Variants in PLEKHA7 observed in about 807,000 individuals in gnomAD.
PLEKHA7 encodes pleckstrin homology domain containing A7.
In PLEKHA7, 104 loss-of-function variants were observed where a neutral mutation model predicts 170.0. The observed-to-expected ratio is 0.61, with a 90% confidence interval of 0.52 to 0.72. The LOEUF (loss-of-function observed/expected upper bound fraction) is 0.72. PLEKHA7 is among the 30% of genes least tolerant of loss of function. PLEKHA7 has a pLI of 0.00. For synonymous variants in PLEKHA7, 648 were observed against 660.8 expected (o/e 0.98, Z 0.30); for missense variants, 1,615 against 1,671.7 (o/e 0.97, Z 0.59).
At position 16,817,107 on chromosome 11, in the gene PLEKHA7, A is replaced by G. The variant is rs774356876; in HGVS notation, c.1559T>C (p.Val520Ala). The G allele has an allele frequency of 6.2e-7, 1 of 1,614,050 alleles. No homozygotes were observed. Among genetic ancestry groups the G allele is most frequent in the Non-Finnish European group, 8.5e-7 (1 of 1,179,966 alleles). ...CTGCTGCCACTCGTAGAGCTGCCAC[A>G]CGGTGCCATCCCGGTGCGCCCGGCG... The part of the protein sequence containing the change: ...EERRAHRDGT[V>A]WQLYEWQQRQ... Residue 520 changes from valine to alanine, a missense_variant, in exon 11 of 27, where the codon GTG becomes GCG. Physicochemically the swap from Val to Ala is moderately conservative, Grantham distance 64. Coordinates refer to ENST00000531066, the MANE Select transcript of PLEKHA7 (RefSeq NM_001329630.2). The surrounding 1 kb of genome is among the most constrained non-coding windows in gnomAD (Gnocchi z 4.4).
intron 3 of PLEKHA7, among the ~76,000 whole-genome samples, chr11:16,967,041 C>CG (rs1862416229): frequency 6.6e-6 from 1 of 152,196 alleles, no homozygotes; most frequent in Non-Finnish European, 1.5e-5. Flanking sequence ...ACCGAAGATA[C>CG]GGGGCCCTTG....
intron 4 of PLEKHA7, among the ~76,000 whole-genome samples, chr11:16,867,321 T>G (rs1157383596): frequency 1.3e-5 from 2 of 152,202 alleles, no homozygotes; most frequent in Non-Finnish European, 2.9e-5. Flanking sequence ...CAGGTGATGC[T>G]GATTCAGAGA....
At chr11:16,986,307 G>A (rs377102280) in intron 3 of PLEKHA7, among the ~76,000 whole-genome samples, 2 of 152,296 alleles carry the variant, frequency 1.3e-5, no homozygotes, top group South Asian at 2.1e-4. Flanking sequence ...GGTGACAGTG[G>A]GGTCTTTAGG....
At chr11:16,887,466 G>A (rs1024073686) in intron 3 of PLEKHA7, among the ~76,000 whole-genome samples, 13 of 151,956 alleles carry the variant, frequency 8.6e-5, no homozygotes, top group Non-Finnish European at 1.8e-4. Flanking sequence ...CTGTACTGCC[G>A]CCATCTCGGC....
intron 3 of PLEKHA7, among the ~76,000 whole-genome samples, chr11:16,934,516 TA>T (rs1235534630): frequency 6.6e-6 from 1 of 152,202 alleles, no homozygotes; most frequent in African/African-American, 2.4e-5. Context: ...AGTCGCTTTT[TA>T]AAAAATGGCT....
Position 17,000,698 on chromosome 11 carries a change from C to T in PLEKHA7, c.221+13291G>A, listed in dbSNP as rs190265793. 9.2e-5 allele frequency among the ~76,000 whole-genome samples: 14 copies of T among 152,214 alleles called. No individual in the cohort carries two copies. In the East Asian group the frequency reaches 2.7e-3, roughly 29 times the overall value. ...ATAGCATGTACAAGTTGCCAGATAC[C>T]ATTCTAAGTTGATAGGTACAGTCAT... is the stretch of plus-strand genomic sequence containing the variant. On this transcript the variant is annotated intron_variant, in intron 3 of 26. Coordinates refer to ENST00000531066, the MANE Select transcript of PLEKHA7 (RefSeq NM_001329630.2).
chr11:16,851,460 T>TTTA (rs1565012882), intron 7 of PLEKHA7, among the ~76,000 whole-genome samples, 169 bp from the exon 8 acceptor site: 11 of 151,212 alleles, frequency 7.3e-5, no homozygotes, highest in South Asian at 2.1e-4. Context: ...TTATTTATTT[T>TTTA]TTTTTTGAGA....
intron 26 of PLEKHA7, among the ~76,000 whole-genome samples, chr11:16,781,767 C>T (rs1849038396): frequency 6.6e-6 from 1 of 152,194 alleles, no homozygotes; most frequent in South Asian, 2.1e-4. Flanking sequence ...CCAGACAAGA[C>T]TCCCCAGGCC....
chr11:16,993,326 G>A (rs531122858), intron 3 of PLEKHA7, among the ~76,000 whole-genome samples: 100 of 152,124 alleles, frequency 6.6e-4, no homozygotes, highest in African/African-American at 2.2e-3. Context: ...GGGTCGGGGC[G>A]GGCAGAGTGG....
At chr11:16,796,585 T>C (rs183783590) in intron 17 of PLEKHA7, among the ~76,000 whole-genome samples, 39 of 152,304 alleles carry the variant, frequency 2.6e-4, no homozygotes, top group African/African-American at 8.7e-4. Context: ...TAAAATTGAT[T>C]GCGGTGACGG....
At chr11:16,780,470 G>A (rs1206984109) in intron 26 of PLEKHA7, among the ~76,000 whole-genome samples, 4 of 152,244 alleles carry the variant, frequency 2.6e-5, no homozygotes, top group Admixed American at 2.6e-4. Flanking sequence ...GACCTGGAGT[G>A]AGCCCCAGCC....
intron 3 of PLEKHA7, among the ~76,000 whole-genome samples, chr11:16,909,223 C>T (rs761357502): frequency 1.4e-4 from 22 of 151,986 alleles, no homozygotes; most frequent in Admixed American, 1.4e-3. Flanking sequence ...CACATCCTAG[C>T]GGGAGAAAAT....
At chr11:16,978,450 C>G (rs1565174330) in intron 3 of PLEKHA7, among the ~76,000 whole-genome samples, 1 of 152,128 alleles carries the variant, frequency 6.6e-6, no homozygotes, top group African/African-American at 2.4e-5. Context: ...TGAGCAAACC[C>G]AACCATGATG....
At chr11:17,008,996 T>C (rs947236693) in intron 3 of PLEKHA7, among the ~76,000 whole-genome samples, 2 of 152,110 alleles carry the variant, frequency 1.3e-5, no homozygotes, top group Admixed American at 1.3e-4. Context: ...CTAATCAACA[T>C]AGGAGACCAG....
chr11:16,952,354 ATATT>A (rs1861457143), intron 3 of PLEKHA7, among the ~76,000 whole-genome samples: 1 of 152,216 alleles, frequency 6.6e-6, no homozygotes. Context: ...TCAAGCAGCC[ATATT>A]AAGCTCCTTT....
intron 3 of PLEKHA7, among the ~76,000 whole-genome samples, chr11:16,986,523 G>C (rs1863735324): frequency 6.6e-6 from 1 of 152,210 alleles, no homozygotes; most frequent in Non-Finnish European, 1.5e-5. Context: ...AGTCACCAAA[G>C]TGGGGACCCT....
In PLEKHA7 at chr11:16,815,991, C is replaced by T. The variant is rs1457793962; in HGVS notation, c.1953+187G>A. Among the ~76,000 whole-genome samples the T allele has an allele frequency of 2.6e-5, 4 of 152,108 alleles. No individual in the cohort carries two copies. The East Asian group carries it at 5.8e-4, about 22-fold the overall frequency. On this transcript the variant is annotated intron_variant, in intron 12 of 26. Coordinates refer to ENST00000531066, the MANE Select transcript of PLEKHA7 (RefSeq NM_001329630.2). Reference sequence around the variant, plus strand: ...CTACATTTCCCTGATACGCTCTTCCCCTTCACTGGGGACCCAGTGACAGCC... The same window carrying T: ...CTACATTTCCCTGATACGCTCTTCCTCTTCACTGGGGACCCAGTGACAGCC...
chr11:16,855,654 C>T (rs1032099005), intron 5 of PLEKHA7, 149 bp downstream of exon 5: 7 of 655,336 alleles, frequency 1.1e-5, no homozygotes, highest in Non-Finnish European at 1.9e-5. Flanking sequence ...CCCTCTTGGC[C>T]TCAGTTTCCT....
At chr11:16,897,376 C>T (rs149694103) in intron 3 of PLEKHA7, among the ~76,000 whole-genome samples, 2,363 of 152,238 alleles carry the variant, frequency 0.016, 60 homozygotes, top group African/African-American at 0.054. Context: ...CAGCCCCATT[C>T]CTCCCCATTT....
Sources: allele counts gnomAD v4.1 joint callset (sites outside exome capture counted in the v4.1 genomes callset), GRCh38; gene constraint gnomAD v4.1.1; non-coding constraint Gnocchi (gnomAD v3.1); transcripts MANE v1.5; gene names NCBI Gene and HGNC (gene_info 2026-07-23, HGNC 2026-07-21).